The following KLHL12 variants were observed in gnomAD, a reference collection of about 807,000 sequenced individuals.
KLHL12 encodes kelch-like protein 12.
A neutral mutation model predicts 60.8 loss-of-function variants in KLHL12; 17 were observed. The ratio of observed to expected loss-of-function variants is 0.28; its 90% CI spans 0.19 to 0.42. KLHL12 has a LOEUF of 0.42. KLHL12 is among the 10% of genes least tolerant of loss of function. The pLI, the probability that KLHL12 is intolerant of heterozygous loss-of-function variation, is 1.00. For missense variants in KLHL12, 468 were observed against 722.3 expected, an observed-to-expected ratio of 0.65 and a Z score of 4.04; for synonymous variants, 220 against 250.9, an observed-to-expected ratio of 0.88 and a Z score of 1.16.
chr1:202,895,672 C>A lies in KLHL12; in HGVS notation c.985G>T (p.Asp329Tyr). Residue 329 changes from aspartate (D) to tyrosine (Y), a missense_variant, in exon 8 of 12, where the codon GAC becomes TAC. By Grantham distance (160) the Asp-to-Tyr change is radical. Coordinates refer to ENST00000367261, the MANE Select transcript of KLHL12 (RefSeq NM_021633.4). The surrounding 1 kb of genome is among the most constrained non-coding windows in gnomAD (Gnocchi z 4.2). ...RRYVASVSLH[D>Y]RIYVIGGYDG... The stretch of plus-strand genomic sequence containing the variant: ...TAGCCACCAATGACGTAGATCCGGT[C>A]ATGAAGGGACACTGAGGCCACATAA... The A allele has an allele frequency of 6.2e-7, 1 of 1,614,108 alleles. No homozygotes were observed. Among genetic ancestry groups the A allele is most frequent in the South Asian group, 1.1e-5 (1 of 91,060 alleles).
At chr1:202,904,416 C>A (rs1009192843) in intron 6 of KLHL12, among the ~76,000 whole-genome samples, 11 of 151,806 alleles carry the variant, frequency 7.2e-5, no homozygotes, top group African/African-American at 2.7e-4. Context: ...TCATTTCTTC[C>A]ACTATTTTGT....
At chr1:202,894,519 T>TA in intron 9 of KLHL12, 72 bp downstream of exon 9, 1 of 1,501,552 alleles carries the variant, frequency 6.7e-7, no homozygotes, top group Non-Finnish European at 9.2e-7. Context: ...GTCATTTTGG[T>TA]AAAAAGGAAT....
At chr1:202,905,994 T>C (rs12728803) in intron 6 of KLHL12, among the ~76,000 whole-genome samples, 207 of 114,374 alleles carry the variant, frequency 1.8e-3, no homozygotes, top group African/African-American at 6.0e-3. Context: ...TTTTTTTTTG[T>C]ATTTTTAGTA....
Position 202,911,767 on chromosome 1 carries a change from C to T in KLHL12, c.568-564G>A, listed in dbSNP as rs996871264. 1.6e-4 allele frequency: 109 copies of T among 665,166 alleles called. No homozygotes were observed. In the East Asian group the frequency reaches 2.5e-3, roughly 15 times the overall value. 41.2% of individuals were successfully genotyped at this position (665,166 alleles called of 1,614,324 possible). A position where few individuals can be genotyped will look rare whatever the true frequency, so the allele number is the denominator to read the frequency against. ...GCATTATCGCCTTTCTGCCTGTGGA[C>T]GCCGCCGAAGAAGCATCTTTAAAGT... is the stretch of plus-strand genomic sequence containing the variant. On this transcript the variant is annotated intron_variant, in intron 4 of 11. Transcript: ENST00000367261.
intron 6 of KLHL12, among the ~76,000 whole-genome samples, chr1:202,902,326 A>C (rs1162621042): frequency 6.6e-6 from 1 of 152,040 alleles, no homozygotes; most frequent in East Asian, 1.9e-4. Flanking sequence ...GCTACTCGGG[A>C]GGCTGAGGCA....
intron 6 of KLHL12, among the ~76,000 whole-genome samples, chr1:202,903,838 G>C (rs1660098594): frequency 6.6e-6 from 1 of 151,478 alleles, no homozygotes; most frequent in Non-Finnish European, 1.5e-5. Context: ...GGCCAGGCTG[G>C]TCTCGAATTC....
chr1:202,919,944 TA>T, intron 2 of KLHL12, 36 bp from the exon 3 acceptor site: 3 of 1,560,358 alleles, frequency 1.9e-6, no homozygotes, highest in Non-Finnish European at 2.6e-6. Flanking sequence ...ATGATGGTTA[TA>T]ATTCCACAAG....
In KLHL12 at chr1:202,912,429, G is replaced by A. The variant is rs1400832920; in HGVS notation, c.568-1226C>T. 2.3e-5 allele frequency: 19 copies of A among 825,556 alleles called. No homozygotes were observed. In the Admixed American group the frequency reaches 2.6e-4, roughly 11 times the overall value. The allele number at this position is 825,556 out of a possible 1,614,324, so 51.1% of individuals were successfully genotyped here. On this transcript the variant is annotated intron_variant, in intron 4 of 11. Transcript: ENST00000367261. Reference sequence around the variant, plus strand: ...TGGTTCTGGAAACTTTGGTTTGGTCGTGGAGGTGGTTTCGGTTGGCATGAC... The same window carrying A: ...TGGTTCTGGAAACTTTGGTTTGGTCATGGAGGTGGTTTCGGTTGGCATGAC...
Position 202,894,760 on chromosome 1 carries a change from T to C in KLHL12, c.1136-11A>G. 1 of 1,609,582 alleles carries C rather than the reference T, an allele frequency of 6.2e-7. No homozygotes were observed. Among genetic ancestry groups the C allele is most frequent in the East Asian group, 2.2e-5 (1 of 44,872 alleles). Reference sequence around the variant, plus strand: ...AGACATAGATCATATCTGCTCAGAATAAACAAATTACAGACTATTAGAGAA... The same window carrying C: ...AGACATAGATCATATCTGCTCAGAACAAACAAATTACAGACTATTAGAGAA... On this transcript the variant is annotated splice_polypyrimidine_tract_variant and intron_variant, in intron 8 of 11. Transcript: ENST00000367261.
intron 6 of KLHL12, among the ~76,000 whole-genome samples, chr1:202,903,463 T>TC (rs1660076970): frequency 6.9e-6 from 1 of 144,534 alleles, no homozygotes. Flanking sequence ...CATTCTTGTT[T>TC]TTTTTTTCTT....
intron 4 of KLHL12, among the ~76,000 whole-genome samples, chr1:202,911,443 T>C (rs28436163): frequency 1.3e-4 from 15 of 112,478 alleles, no homozygotes; most frequent in Non-Finnish European, 2.6e-4. Context: ...CACACACACA[T>C]ATATATATAT....
At chr1:202,919,507 T>G (rs1213390944) in intron 3 of KLHL12, among the ~76,000 whole-genome samples, 5 of 151,148 alleles carry the variant, frequency 3.3e-5, no homozygotes, top group Admixed American at 2.0e-4. Context: ...CTTCCTCCAT[T>G]TTTTTTTTAA....
rs564211502 is a variant in KLHL12 at position 202,913,937 on chromosome 1, C to T, written c.568-2734G>A. Among the ~76,000 whole-genome samples, 4 of 152,300 alleles carry T rather than the reference C, an allele frequency of 2.6e-5. No homozygotes were observed. In the East Asian group the frequency reaches 7.7e-4, roughly 29 times the overall value. The stretch of plus-strand genomic sequence containing the variant: ...GCAACACGGGGCTAGCGGGAGCAAA[C>T]CAGACACTATAGATATAGAGTACTT... On this transcript the variant is annotated intron_variant, in intron 4 of 11. Transcript: ENST00000367261.
In KLHL12 at chr1:202,892,485, A is replaced by T. The variant is rs772597619; in HGVS notation, c.*48T>A. The T allele has an allele frequency of 4.4e-6, 7 of 1,597,084 alleles. No homozygotes were observed. Among genetic ancestry groups the T allele is most frequent in the Middle Eastern group, 2.1e-4 (1 of 4,694 alleles). Reference sequence around the variant, plus strand: ...GAAAGGATTTTTGATTCTCCCACTAACTGTCCACTGGACTGGTCACTAGCT... The same window carrying T: ...GAAAGGATTTTTGATTCTCCCACTATCTGTCCACTGGACTGGTCACTAGCT... On this transcript the variant is annotated 3_prime_UTR_variant, in exon 12 of 12. Transcript: ENST00000367261.
intron 2 of KLHL12, among the ~76,000 whole-genome samples, chr1:202,921,726 G>T (rs1459265009): frequency 6.6e-6 from 1 of 152,088 alleles, no homozygotes; most frequent in Admixed American, 6.5e-5. Context: ...AATTTTACAG[G>T]AAACTATCTG....
chr1:202,909,606 C>T lies in KLHL12; in HGVS notation c.718-482G>A, dbSNP rs1264283942. 1.3e-5 allele frequency among the ~76,000 whole-genome samples: 2 copies of T among 152,140 alleles called. No homozygotes were observed. The highest frequency in any genetic ancestry group is 2.9e-5 in the Non-Finnish European group (2 of 68,030). On this transcript the variant is annotated intron_variant, in intron 5 of 11. Coordinates refer to ENST00000367261, the MANE Select transcript of KLHL12 (RefSeq NM_021633.4). This position sits in a 1 kb window ranked among gnomAD's most constrained non-coding sequence, Gnocchi z 4.1. Reference sequence around the variant, plus strand: ...ATTGTCTATTTCTGACAGCTCTGTACTGGACATCTTTCATTTGCCTCCCAA... The same window carrying T: ...ATTGTCTATTTCTGACAGCTCTGTATTGGACATCTTTCATTTGCCTCCCAA...
At chr1:202,912,602 G>T (rs1660399072) in intron 4 of KLHL12, 2 of 1,320,978 alleles carry the variant, frequency 1.5e-6, no homozygotes, top group African/African-American at 2.9e-5. Context: ...CATGAAGGGA[G>T]GAAACTTTGG....
intron 4 of KLHL12, among the ~76,000 whole-genome samples, chr1:202,914,106 G>A (rs1466661414): frequency 6.6e-6 from 1 of 152,206 alleles, no homozygotes; most frequent in Non-Finnish European, 1.5e-5. Flanking sequence ...AGTTAAGCAA[G>A]GGCCAGGTAC....
chr1:202,921,268 A>G (rs1660690572), intron 2 of KLHL12, among the ~76,000 whole-genome samples: 1 of 150,998 alleles, frequency 6.6e-6, no homozygotes, highest in African/African-American at 2.4e-5. Context: ...TCCACCTCCC[A>G]GGTTCAAGCG....
Sources: gnomAD v4.1 joint callset for allele counts (sites outside exome capture counted in the v4.1 genomes callset) on GRCh38, gnomAD v4.1.1 for gene constraint, Gnocchi (gnomAD v3.1) non-coding constraint, MANE v1.5 for transcripts, NCBI Gene and HGNC (gene_info 2026-07-23, HGNC 2026-07-21) for gene names.